The following PPM1H variants were observed in gnomAD, a reference collection of about 807,000 sequenced individuals.
PPM1H encodes protein phosphatase, Mg2+/Mn2+ dependent 1H.
PPM1H carries 27 observed loss-of-function variants against 54.9 expected under a neutral mutation model. That is an observed-to-expected ratio of 0.49 (90% CI 0.36 to 0.68). The LOEUF (loss-of-function observed/expected upper bound fraction) is 0.68, where lower values mean the gene tolerates loss of function less well. Ranked by LOEUF, PPM1H falls within the 30% of genes least tolerant of loss-of-function variation. The probability of loss-of-function intolerance (pLI) is 0.00; values close to 1 mark genes in which losing one functional copy is unlikely to be tolerated. For synonymous variants in PPM1H, 305 were observed against 270.8 expected (o/e 1.13, Z -1.24); for missense variants, 596 against 667.8 (o/e 0.89, Z 1.19).
At chr12:62,895,509 T>A (rs1592660056) in intron 1 of PPM1H, among the ~76,000 whole-genome samples, 1 of 151,958 alleles carries the variant, frequency 6.6e-6, no homozygotes, top group East Asian at 1.9e-4. Context: ...ACTGCCCTAC[T>A]GCTACGGTTT....
chr12:62,796,766 T>C (rs2076736840), intron 3 of PPM1H, among the ~76,000 whole-genome samples: 1 of 152,208 alleles, frequency 6.6e-6, no homozygotes, highest in Non-Finnish European at 1.5e-5. Flanking sequence ...TGCACCCGTG[T>C]GCGCGCACAC....
Position 62,801,841 on chromosome 12 carries a change from G to C in PPM1H, c.731C>G (p.Ala244Gly), listed in dbSNP as rs373606808. The change falls in exon 3 of 10, where the codon GCG (alanine) becomes GGG (glycine). Residue 244 changes from alanine to glycine, a missense_variant. Coordinates refer to ENST00000228705, the MANE Select transcript of PPM1H (RefSeq NM_020700.2). ...KIPHECLVIG[A>G]LESAFKEMDL... ...CATTTCCTTGAATGCACTTTCAAGC[G>C]CTCCGATGACCAGGCACTCATGGGG... 163 of 1,613,768 alleles carry C rather than the reference G, an allele frequency of 1.0e-4. 1 individual carries two copies. The highest frequency in any genetic ancestry group is 4.9e-4 in the Middle Eastern group (3 of 6,084).
chr12:62,724,744 T>C (rs914501158), intron 5 of PPM1H, among the ~76,000 whole-genome samples: 1 of 152,216 alleles, frequency 6.6e-6, no homozygotes, highest in Non-Finnish European at 1.5e-5. Context: ...CCAATTAAAA[T>C]ATGTATAATT....
At chr12:62,699,747 G>A (rs909699723) in intron 6 of PPM1H, among the ~76,000 whole-genome samples, 2 of 152,176 alleles carry the variant, frequency 1.3e-5, no homozygotes, top group African/African-American at 4.8e-5. Context: ...TATCCACTCA[G>A]TATTTCTCCA....
At chr12:62,709,809 G>A (rs551030148) in intron 6 of PPM1H, among the ~76,000 whole-genome samples, 2 of 152,304 alleles carry the variant, frequency 1.3e-5, no homozygotes, top group East Asian at 3.9e-4. Flanking sequence ...GGTGGCTCAC[G>A]ACTGTAATCC....
chr12:62,757,991 A>G (rs1382537088), intron 4 of PPM1H, among the ~76,000 whole-genome samples: 1 of 152,248 alleles, frequency 6.6e-6, no homozygotes, highest in East Asian at 1.9e-4. Context: ...TAGAAAGCGC[A>G]GTAATAGAGA....
intron 1 of PPM1H, among the ~76,000 whole-genome samples, chr12:62,896,573 T>G (rs1870996052): frequency 6.6e-6 from 1 of 152,150 alleles, no homozygotes. Flanking sequence ...CCAGTTAGAA[T>G]GGAGATCGTT....
chr12:62,927,469 G>T (rs1347284396), intron 1 of PPM1H, among the ~76,000 whole-genome samples: 1 of 151,936 alleles, frequency 6.6e-6, no homozygotes, highest in Non-Finnish European at 1.5e-5. Flanking sequence ...AGACCAGTGT[G>T]GCCAACATGA....
intron 3 of PPM1H, among the ~76,000 whole-genome samples, chr12:62,797,750 C>T (rs541017572): frequency 1.3e-5 from 2 of 152,308 alleles, no homozygotes; most frequent in Admixed American, 6.5e-5. Context: ...TTCTGAAGCT[C>T]ACCTTAAGCA....
intron 1 of PPM1H, among the ~76,000 whole-genome samples, chr12:62,853,087 C>A (rs564357801): frequency 6.7e-6 from 1 of 150,260 alleles, no homozygotes; most frequent in African/African-American, 2.5e-5. Context: ...GGGATGGGGG[C>A]GGTGGAAATG....
chr12:62,714,947 G>A (rs370551806), intron 6 of PPM1H, among the ~76,000 whole-genome samples: 1 of 152,192 alleles, frequency 6.6e-6, no homozygotes, highest in Non-Finnish European at 1.5e-5. Context: ...CAGGGGTGAA[G>A]TTTCAGCCCC....
intron 1 of PPM1H, among the ~76,000 whole-genome samples, chr12:62,871,736 G>A (rs963788735): frequency 3.3e-5 from 5 of 151,862 alleles, no homozygotes; most frequent in South Asian, 2.1e-4. Flanking sequence ...GGCTGGTGTC[G>A]AACTCATAAG....
chr12:62,926,957 A>AAAC (rs535652249), intron 1 of PPM1H, among the ~76,000 whole-genome samples: 1 of 152,212 alleles, frequency 6.6e-6, no homozygotes, highest in Non-Finnish European at 1.5e-5. Flanking sequence ...CTGTCTCAAA[A>AAAC]AACAACAACA....
rs2075773344 is a variant in PPM1H, at chr12:62,644,211, C to G, written c.*4278G>C. On this transcript the variant is annotated 3_prime_UTR_variant, in exon 10 of 10. Coordinates refer to ENST00000228705, the MANE Select transcript of PPM1H (RefSeq NM_020700.2). The stretch of plus-strand genomic sequence containing the variant: ...TCTGAAACAATTTCCAGGCAGATTT[C>G]TCTCATTCACTGTACTAGGGTAGTT... 1 of 152,068 alleles carries G rather than the reference C, an allele frequency of 6.6e-6. No homozygotes were observed. Among genetic ancestry groups the G allele is most frequent in the Non-Finnish European group, 1.5e-5 (1 of 68,014 alleles). The allele number at this position is 152,068 out of a possible 1,614,324, so 9.4% of individuals were successfully genotyped here. A position where few individuals can be genotyped will look rare whatever the true frequency, so the allele number is the denominator to read the frequency against.
intron 1 of PPM1H, among the ~76,000 whole-genome samples, chr12:62,922,674 A>G (rs188283401): frequency 2.0e-5 from 3 of 152,348 alleles, no homozygotes; most frequent in Admixed American, 2.0e-4. Flanking sequence ...CAAAGGAAGC[A>G]CTATGGATTC....
intron 9 of PPM1H, among the ~76,000 whole-genome samples, chr12:62,655,734 C>A (rs2075840551): frequency 6.6e-6 from 1 of 152,176 alleles, no homozygotes; most frequent in Admixed American, 6.5e-5. Context: ...CTTCTGGAAG[C>A]TGTGTGTGGA....
chr12:62,901,214 T>A (rs1250108327), intron 1 of PPM1H, among the ~76,000 whole-genome samples: 1 of 152,246 alleles, frequency 6.6e-6, no homozygotes, highest in Non-Finnish European at 1.5e-5. Flanking sequence ...ATACCATATG[T>A]TCCCAGTGGG....
intron 9 of PPM1H, among the ~76,000 whole-genome samples, chr12:62,654,779 G>A (rs1345458437): frequency 6.6e-6 from 1 of 152,142 alleles, no homozygotes; most frequent in Non-Finnish European, 1.5e-5. Context: ...AACCTACCCA[G>A]CCATTTCCTC....
chr12:62,869,140 A>G (rs778178818), intron 1 of PPM1H, among the ~76,000 whole-genome samples: 6 of 152,228 alleles, frequency 3.9e-5, no homozygotes, highest in Non-Finnish European at 8.8e-5. Context: ...TTTAGATATT[A>G]AGAACAAGGG....
Sources: gnomAD v4.1 joint callset for allele counts (sites outside exome capture counted in the v4.1 genomes callset) on GRCh38, gnomAD v4.1.1 for gene constraint, MANE v1.5 for transcripts, NCBI Gene and HGNC (gene_info 2026-07-23, HGNC 2026-07-21) for gene names.